Variants in C1GALT1 observed in about 807,000 individuals in gnomAD.
C1GALT1 encodes the protein glycoprotein-N-acetylgalactosamine 3-beta-galactosyltransferase 1.
A neutral mutation model predicts 31.0 loss-of-function variants in C1GALT1; 11 were observed. That is an observed-to-expected ratio of 0.36 (90% CI 0.22 to 0.59). The LOEUF is 0.59. Ranked by LOEUF, C1GALT1 falls within the 20% of genes least tolerant of loss-of-function variation. The pLI, the probability that C1GALT1 is intolerant of heterozygous loss-of-function variation, is 0.79. For missense variants in C1GALT1, 424 were observed against 425.2 expected, an observed-to-expected ratio of 1.00 and a Z score of 0.03; for synonymous variants, 175 against 143.6, an observed-to-expected ratio of 1.22 and a Z score of -1.56.
intron 1 of C1GALT1, among the ~76,000 whole-genome samples, chr7:7,220,661 A>G (rs1285933030): frequency 6.6e-6 from 1 of 152,182 alleles, no homozygotes; most frequent in Non-Finnish European, 1.5e-5. Context: ...AGCTGGGACT[A>G]CAGGCATGTG....
upstream of C1GALT1, among the ~76,000 whole-genome samples, chr7:7,179,116 G>A (rs1007924949): frequency 2.0e-5 from 3 of 152,196 alleles, no homozygotes; most frequent in Non-Finnish European, 4.4e-5. Context: ...CACCATGTGA[G>A]CCTCCTTATA....
chr7:7,234,143 T>C, intron 1 of C1GALT1, 160 bp from the exon 2 acceptor site: 1 of 612,724 alleles, frequency 1.6e-6, no homozygotes, highest in Non-Finnish European at 2.9e-6. Flanking sequence ...TTTTCCATAA[T>C]GTGCTGTTTT....
chr7:7,183,626 A>G (rs2128228937), intron 1 of C1GALT1: 1 of 982,076 alleles, frequency 1.0e-6, no homozygotes, highest in Non-Finnish European at 1.2e-6. Context: ...GATGACCATA[A>G]TTTAGCGCTG....
chr7:7,217,629 A>G (rs1225576552), intron 1 of C1GALT1, among the ~76,000 whole-genome samples: 1 of 152,210 alleles, frequency 6.6e-6, no homozygotes, highest in East Asian at 1.9e-4. Context: ...AAAACTTAAG[A>G]GGTGTAGGCA....
chr7:7,212,765 C>G (rs1782064224), intron 1 of C1GALT1, among the ~76,000 whole-genome samples: 1 of 151,862 alleles, frequency 6.6e-6, no homozygotes, highest in African/African-American at 2.4e-5. Context: ...TTTCAGAGTA[C>G]ATTCACAAGG....
At chr7:7,172,918 A>G (rs1345782577) in intron 2 of C1GALT1, among the ~76,000 whole-genome samples, 4 of 152,354 alleles carry the variant, frequency 2.6e-5, no homozygotes, top group Non-Finnish European at 5.9e-5. Flanking sequence ...ATAGTATCAT[A>G]AAGAATAGTT....
intron 2 of C1GALT1, among the ~76,000 whole-genome samples, chr7:7,236,026 T>G (rs1274722328): frequency 6.6e-6 from 1 of 152,240 alleles, no homozygotes; most frequent in African/African-American, 2.4e-5. Context: ...ATGTCTTTAT[T>G]TTTTAATCTT....
intron 2 of C1GALT1, among the ~76,000 whole-genome samples, chr7:7,159,445 G>A (rs1780310744): frequency 6.6e-6 from 1 of 151,910 alleles, no homozygotes; most frequent in Non-Finnish European, 1.5e-5. Flanking sequence ...AGGGGGAGGA[G>A]GAAATAGAGT....
intron 1 of C1GALT1, among the ~76,000 whole-genome samples, chr7:7,232,452 A>AGAG (rs371690637): frequency 6.6e-6 from 1 of 151,388 alleles, no homozygotes; most frequent in African/African-American, 2.4e-5. Context: ...GATTAGGTGA[A>AGAG]GAGTTTGAGA....
At chr7:7,184,254 G>GA (rs1362689108) in intron 1 of C1GALT1, among the ~76,000 whole-genome samples, 2 of 152,204 alleles carry the variant, frequency 1.3e-5, no homozygotes, top group Admixed American at 6.5e-5. Flanking sequence ...ACTTAGTAAG[G>GA]AAAGTATGAC....
Position 7,238,825 on chromosome 7 carries a change from A to C in C1GALT1, c.791A>C (p.Glu264Ala), listed in dbSNP as rs765155685. The C allele has an allele frequency of 5.0e-6, 8 of 1,613,782 alleles. No homozygotes were observed. The highest frequency in any genetic ancestry group is 5.9e-6 in the Non-Finnish European group (7 of 1,179,862). ...AGDSRDTIGKETFHPFVPEHH... is the reference protein window; with the variant it reads ...AGDSRDTIGKATFHPFVPEHH... ...GATTCCAGAGATACCATTGGAAAAG[A>C]AACTTTTCATCCCTTTGTGCCAGAA... The change falls in exon 3 of 4, where the codon GAA (glutamate) becomes GCA (alanine). Residue 264 changes from glutamate to alanine, a missense_variant. Transcript: ENST00000436587. This position sits in a 1 kb window ranked among gnomAD's most constrained non-coding sequence, Gnocchi z 5.2.
chr7:7,199,015 G>GT (rs1307871478), intron 1 of C1GALT1, among the ~76,000 whole-genome samples: 1 of 152,006 alleles, frequency 6.6e-6, no homozygotes, highest in African/African-American at 2.4e-5. Context: ...TTTTTGAAGG[G>GT]TTTTTTGTGT....
intron 1 of C1GALT1, among the ~76,000 whole-genome samples, chr7:7,194,285 A>T (rs1317321440): frequency 6.6e-6 from 1 of 152,072 alleles, no homozygotes; most frequent in East Asian, 1.9e-4. Flanking sequence ...ACCTTTCTCC[A>T]TTCAGTATAA....
chr7:7,192,518 A>G (rs13234672), intron 1 of C1GALT1, among the ~76,000 whole-genome samples: 9,153 of 151,982 alleles, frequency 0.06, 341 homozygotes, highest in East Asian at 0.16. Flanking sequence ...GTGTGTGTGT[A>G]TATTATACAT....
intron 1 of C1GALT1, among the ~76,000 whole-genome samples, chr7:7,190,987 A>G (rs1268473044): frequency 6.6e-6 from 1 of 152,110 alleles, no homozygotes; most frequent in Non-Finnish European, 1.5e-5. Context: ...TTTTGGTAAA[A>G]TACATACAAA....
In C1GALT1 at chr7:7,245,757, C is replaced by G. The variant is rs867248974; in HGVS notation, c.*2030C>G. 1 of 152,170 alleles carries G rather than the reference C, an allele frequency of 6.6e-6. No individual in the cohort carries two copies. The highest frequency in any genetic ancestry group is 1.5e-5 in the Non-Finnish European group (1 of 68,028). The allele number at this position is 152,170 out of a possible 1,614,324, so 9.4% of individuals were successfully genotyped here. On this transcript the variant is annotated 3_prime_UTR_variant, in exon 4 of 4. Transcript: ENST00000436587. ...ATGGTTTACTATAGATATCCAAAAA[C>G]CTTGAGATTTGCTCATAGGAAATGA...
At chr7:7,241,807 T>G (rs973552174) in intron 3 of C1GALT1, among the ~76,000 whole-genome samples, 1 of 152,026 alleles carries the variant, frequency 6.6e-6, no homozygotes, top group African/African-American at 2.4e-5. Flanking sequence ...CTGCTAGCTC[T>G]TGTTTTCTAA....
At chr7:7,186,233 A>G (rs1192508771) in intron 1 of C1GALT1, among the ~76,000 whole-genome samples, 1 of 152,172 alleles carries the variant, frequency 6.6e-6, no homozygotes, top group East Asian at 1.9e-4. Flanking sequence ...GTACCCAGTC[A>G]CCATTTAAAG....
At chr7:7,178,881 C>T (rs1160755371), upstream of C1GALT1, among the ~76,000 whole-genome samples, 1 of 152,170 alleles carries the variant, frequency 6.6e-6, no homozygotes, top group Non-Finnish European at 1.5e-5. Context: ...ATCATTTAAA[C>T]ATTTAGTATC....
Sources: gnomAD v4.1 joint callset for allele counts (sites outside exome capture counted in the v4.1 genomes callset) on GRCh38, gnomAD v4.1.1 for gene constraint, Gnocchi (gnomAD v3.1) non-coding constraint, MANE v1.5 for transcripts, NCBI Gene and HGNC (gene_info 2026-07-23, HGNC 2026-07-21) for gene names.